Variants in PPP3CA observed in about 807,000 individuals in gnomAD.
PPP3CA encodes protein phosphatase 3 catalytic subunit alpha.
In PPP3CA, 14 loss-of-function variants were observed where a neutral mutation model predicts 66.5. The observed-to-expected ratio is 0.21, with a 90% CI of 0.14 to 0.33. PPP3CA has a LOEUF of 0.33. Ranked by LOEUF, PPP3CA falls within the 10% of genes least tolerant of loss-of-function variation. The pLI, the probability that PPP3CA is intolerant of heterozygous loss-of-function variation, is 1.00. For missense variants in PPP3CA, 317 were observed against 639.5 expected (o/e 0.50, Z 5.44); for synonymous variants, 232 against 226.2 (o/e 1.03, Z -0.23).
intron 1 of PPP3CA, among the ~76,000 whole-genome samples, chr4:101,318,587 G>A (rs1728949470): frequency 6.6e-6 from 1 of 152,082 alleles, no homozygotes; most frequent in African/African-American, 2.4e-5. Flanking sequence ...TGTGGTAACT[G>A]CTCTGTTTGT....
intron 10 of PPP3CA, among the ~76,000 whole-genome samples, chr4:101,046,308 C>T (rs1040419754): frequency 5.9e-5 from 9 of 152,024 alleles, no homozygotes; most frequent in East Asian, 3.8e-4. Flanking sequence ...AATATTTTTA[C>T]GTTAGAATGT....
At chr4:101,271,343 C>T (rs1350162282) in intron 1 of PPP3CA, among the ~76,000 whole-genome samples, 1 of 151,794 alleles carries the variant, frequency 6.6e-6, no homozygotes, top group Non-Finnish European at 1.5e-5. Context: ...TGGTGCCAAC[C>T]ATCACTGTTA....
chr4:101,306,028 T>C (rs1728526088), intron 1 of PPP3CA, among the ~76,000 whole-genome samples: 1 of 152,102 alleles, frequency 6.6e-6, no homozygotes, highest in African/African-American at 2.4e-5. Context: ...GTTTTAACTC[T>C]GCCTCCTAAA....
intron 1 of PPP3CA, among the ~76,000 whole-genome samples, chr4:101,340,772 G>T (rs1291088423): frequency 2.0e-5 from 3 of 152,038 alleles, no homozygotes; most frequent in Non-Finnish European, 4.4e-5. Context: ...AGAATCACTG[G>T]CTGATATTTT....
At chr4:101,172,785 T>C (rs906869747) in intron 2 of PPP3CA, among the ~76,000 whole-genome samples, 4 of 152,130 alleles carry the variant, frequency 2.6e-5, no homozygotes, top group Non-Finnish European at 5.9e-5. Context: ...CCACAAGACA[T>C]ATTAAACATA....
intron 2 of PPP3CA, among the ~76,000 whole-genome samples, chr4:101,122,832 T>G (rs938518996): frequency 4.6e-5 from 7 of 152,148 alleles, no homozygotes; most frequent in African/African-American, 7.2e-5. Context: ...AATCTGGTAA[T>G]TCTATGCAGA....
chr4:101,252,175 TAGC>T (rs1282501027), intron 1 of PPP3CA, among the ~76,000 whole-genome samples: 2 of 152,186 alleles, frequency 1.3e-5, no homozygotes, highest in Non-Finnish European at 2.9e-5. Flanking sequence ...CAGTAATGTG[TAGC>T]AGAATTCAAA....
intron 1 of PPP3CA, among the ~76,000 whole-genome samples, chr4:101,337,299 G>A (rs1310528615): frequency 6.6e-6 from 1 of 152,210 alleles, no homozygotes; most frequent in African/African-American, 2.4e-5. Context: ...TACAGAAAGA[G>A]ACTTTCTAAT....
At chr4:101,110,028 A>G (rs1721617155) in intron 2 of PPP3CA, among the ~76,000 whole-genome samples, 1 of 152,148 alleles carries the variant, frequency 6.6e-6, no homozygotes, top group South Asian at 2.1e-4. Flanking sequence ...ACCTGATCCA[A>G]AGCTTTTCCT....
At chr4:101,057,958 T>C (rs1264193408) in intron 10 of PPP3CA, among the ~76,000 whole-genome samples, 1 of 152,160 alleles carries the variant, frequency 6.6e-6, no homozygotes, top group Admixed American at 6.6e-5. Flanking sequence ...TCCTCTCATA[T>C]GTACATATAC....
At chr4:101,295,023 C>T (rs944960501) in intron 1 of PPP3CA, among the ~76,000 whole-genome samples, 2 of 152,184 alleles carry the variant, frequency 1.3e-5, no homozygotes, top group Non-Finnish European at 2.9e-5. Flanking sequence ...TCACTCGGGC[C>T]GGGCGCGGTG....
chr4:101,208,386 C>T (rs1206898687), intron 1 of PPP3CA, among the ~76,000 whole-genome samples: 1 of 152,156 alleles, frequency 6.6e-6, no homozygotes, highest in Non-Finnish European at 1.5e-5. Flanking sequence ...AGTTCCACAC[C>T]TAGAGCAATG....
intron 8 of PPP3CA, among the ~76,000 whole-genome samples, chr4:101,076,666 A>G (rs1022185660): frequency 6.6e-6 from 1 of 152,216 alleles, no homozygotes; most frequent in African/African-American, 2.4e-5. Context: ...TGCTCAGGGC[A>G]ATGAGGTTTA....
intron 1 of PPP3CA, among the ~76,000 whole-genome samples, chr4:101,297,165 A>G (rs1290812411): frequency 6.6e-6 from 1 of 152,162 alleles, no homozygotes; most frequent in Non-Finnish European, 1.5e-5. Flanking sequence ...TTTTTAATGA[A>G]TTTTGATTGA....
At chr4:101,221,037 C>T (rs944640233) in intron 1 of PPP3CA, among the ~76,000 whole-genome samples, 16 of 151,628 alleles carry the variant, frequency 1.1e-4, no homozygotes, top group African/African-American at 3.9e-4. Flanking sequence ...TAGAGTTGAA[C>T]AATTCTAAGC....
At chr4:101,052,809 A>G (rs1178295966) in intron 10 of PPP3CA, among the ~76,000 whole-genome samples, 1 of 152,018 alleles carries the variant, frequency 6.6e-6, no homozygotes, top group African/African-American at 2.4e-5. Flanking sequence ...ACATGGCCAC[A>G]TTTTCTAAAA....
intron 8 of PPP3CA, among the ~76,000 whole-genome samples, chr4:101,063,933 AC>A (rs1008790934): frequency 6.6e-6 from 1 of 152,086 alleles, no homozygotes; most frequent in Non-Finnish European, 1.5e-5. Context: ...AATTAGCTAT[AC>A]ATTAAATACC....
chr4:101,060,002 T>C (rs1728393019), intron 10 of PPP3CA, among the ~76,000 whole-genome samples: 2 of 152,116 alleles, frequency 1.3e-5, no homozygotes, highest in South Asian at 4.1e-4. Flanking sequence ...ATGTGTTCAG[T>C]ATAGATGCAA....
At chr4:101,346,308 A>T (rs2110347445) in intron 1 of PPP3CA, among the ~76,000 whole-genome samples, 1 of 152,216 alleles carries the variant, frequency 6.6e-6, no homozygotes, top group East Asian at 1.9e-4. Context: ...ATTAATTTTT[A>T]AAAAGCCATC....
Sources: gnomAD v4.1 joint callset for allele counts (sites outside exome capture counted in the v4.1 genomes callset) on GRCh38, gnomAD v4.1.1 for gene constraint, MANE v1.5 for transcripts, NCBI Gene and HGNC (gene_info 2026-07-23, HGNC 2026-07-21) for gene names.